TCF25: variants seen among roughly 807,000 people sequenced by gnomAD.
The protein encoded by TCF25 is ribosome quality control complex subunit TCF25.
In TCF25, 41 loss-of-function variants were observed where a neutral mutation model predicts 83.1. The ratio of observed to expected loss-of-function variants is 0.49; its 90% confidence interval spans 0.38 to 0.64. The LOEUF is 0.64. Among genes scored for constraint, TCF25 ranks in the 30% least tolerant of loss-of-function variants. The pLI is 0.00. For missense variants in TCF25, 979 were observed against 914.5 expected, an observed-to-expected ratio of 1.07 and a Z score of -0.91; for synonymous variants, 458 against 365.0, an observed-to-expected ratio of 1.25 and a Z score of -2.90.
At position 89,878,599 on chromosome 16, in the gene TCF25, C is replaced by A. The variant is rs2042368863; in HGVS notation, c.192+4740C>A. 4 of 1,148,446 alleles carry A rather than the reference C, an allele frequency of 3.5e-6. No homozygotes were observed. The South Asian group carries it at 5.2e-5, about 15-fold the overall frequency. 71.1% of individuals were successfully genotyped at this position (1,148,446 alleles called of 1,614,324 possible). A position where few individuals can be genotyped will look rare whatever the true frequency, so the allele number is the denominator to read the frequency against. On this transcript the variant is annotated intron_variant, in intron 1 of 17. Transcript: ENST00000263346. ...TGTGAAATGTTCCCCATTTGAGACCCTAAAACTAATGAAAATCACAGCTTT... is the reference window on the plus strand; with the variant it reads ...TGTGAAATGTTCCCCATTTGAGACCATAAAACTAATGAAAATCACAGCTTT...
Position 89,873,738 on chromosome 16 carries a change from T to C in TCF25, c.71T>C (p.Leu24Ser). ...CAGGAGCCCCTCGGGCCCGGCGCCT[T>C]GCATTTCGATCTCCGTGATGACGAT... ...RGQEPLGPGALHFDLRDDDDA... is the reference protein window; with the variant it reads ...RGQEPLGPGASHFDLRDDDDA... Residue 24 changes from leucine to serine, a missense_variant, in exon 1 of 18, where the codon TTG becomes TCG. By Grantham distance (145) the Leu-to-Ser change is moderately radical (BLOSUM62 -2). Transcript: ENST00000263346. The C allele has an allele frequency of 6.2e-7, 1 of 1,611,332 alleles. No individual in the cohort carries two copies. Among genetic ancestry groups the C allele is most frequent in the South Asian group, 1.1e-5 (1 of 90,894 alleles).
In TCF25 at chr16:89,899,397, G is replaced by C. The variant is rs569717801; in HGVS notation, c.1221+525G>C. On this transcript the variant is annotated intron_variant, in intron 11 of 17. Coordinates refer to ENST00000263346, the MANE Select transcript of TCF25 (RefSeq NM_014972.3). Reference sequence around the variant, plus strand: ...TTCGGTGTATTGGGTTAGATATAACGTATTAATCTCACCTGTTTTGTCTTT... The same window carrying C: ...TTCGGTGTATTGGGTTAGATATAACCTATTAATCTCACCTGTTTTGTCTTT... Among the ~76,000 whole-genome samples, 19 of 152,302 alleles carry C rather than the reference G, an allele frequency of 1.2e-4. 1 individual carries two copies. In the South Asian group the frequency reaches 3.9e-3, roughly 32 times the overall value.
chr16:89,878,878 C>T (rs2042386391), intron 1 of TCF25, among the ~76,000 whole-genome samples: 1 of 152,182 alleles, frequency 6.6e-6, no homozygotes, highest in Non-Finnish European at 1.5e-5. Context: ...CCTGACCTCG[C>T]CATCTGCCCA....
chr16:89,898,647 G>C lies in TCF25; in HGVS notation c.1113G>C (p.Leu371=), dbSNP rs11648433. Residue 371 remains leucine, a splice_region_variant and synonymous_variant, in exon 10 of 18, where the codon CTG becomes CTC. Transcript: ENST00000263346. ...RTALEYCKLI[L]SLEPDEDPLC... ...CGCTGGAGTACTGCAAGCTCATCCT[G>C]AGGTGAGTGTCTGCTCAGGGCCAAG... 1 of 1,612,516 alleles carries C rather than the reference G, an allele frequency of 6.2e-7. No homozygotes were observed. Among genetic ancestry groups the C allele is most frequent in the African/African-American group, 1.3e-5 (1 of 74,944 alleles).
At chr16:89,894,179 C>A (rs190298978) in intron 7 of TCF25, among the ~76,000 whole-genome samples, 407 of 152,312 alleles carry the variant, frequency 2.7e-3, no homozygotes, top group Non-Finnish European at 4.3e-3. Flanking sequence ...TTGCCTCCTG[C>A]GGCTCAGTGC....
chr16:89,892,260 C>A lies in TCF25; in HGVS notation c.682C>A (p.Arg228Ser). 1.2e-6 allele frequency: 2 copies of A among 1,612,362 alleles called. No homozygotes were observed. Among genetic ancestry groups the A allele is most frequent in the Non-Finnish European group, 1.7e-6 (2 of 1,179,526 alleles). Reference protein sequence around the residue: ...WLTTPKSTWPRYSKPGLSMRL... With the variant: ...WLTTPKSTWPSYSKPGLSMRL... ...GACCACCCCTAAAAGCACCTGGCCC[C>A]GCTACAGCAAACCAGGTGAGGGTCT... Residue 228 changes from arginine (R) to serine (S), a missense_variant, in exon 6 of 18, where the codon CGC becomes AGC. By Grantham distance (110) the Arg-to-Ser change is moderately radical. Transcript: ENST00000263346.
intron 15 of TCF25, among the ~76,000 whole-genome samples, chr16:89,906,977 C>G (rs919665895): frequency 6.6e-6 from 1 of 152,082 alleles, no homozygotes; most frequent in African/African-American, 2.4e-5. Flanking sequence ...GACCCCCTTC[C>G]TTCCCCACCA....
At chr16:89,880,307 G>A (rs1242148933) in intron 1 of TCF25, among the ~76,000 whole-genome samples, 1 of 152,242 alleles carries the variant, frequency 6.6e-6, no homozygotes, top group African/African-American at 2.4e-5. Flanking sequence ...GTGTTGGCCG[G>A]GCGCGGTGGC....
At chr16:89,900,219 G>A (rs916926017) in intron 11 of TCF25, among the ~76,000 whole-genome samples, 1 of 152,104 alleles carries the variant, frequency 6.6e-6, no homozygotes, top group African/African-American at 2.4e-5. Context: ...TAGACTGCTC[G>A]GAAACTCGCG....
intron 15 of TCF25, 49 bp downstream of exon 15, chr16:89,906,333 C>T (rs1161293243): frequency 1.9e-6 from 3 of 1,576,372 alleles, no homozygotes; most frequent in Non-Finnish European, 1.7e-6. Flanking sequence ...CGGTCACATG[C>T]ACGTCCCTTC....
intron 16 of TCF25, chr16:89,908,929 A>T: frequency 1.6e-6 from 2 of 1,287,838 alleles, no homozygotes; most frequent in African/African-American, 1.5e-5. Flanking sequence ...ATGCTGAGAG[A>T]TGGGGCTCAG....
rs751863265 is a variant in TCF25, at chr16:89,904,177, C to T, written c.1441C>T (p.Arg481Cys). The stretch of plus-strand genomic sequence containing the variant: ...GCCCGACGCCAGCGTTTCCAGTCAC[C>T]GCTTCTTTGGACCCAATGCTGAAAT... ...VRPDASVSSH[R>C]FFGPNAEISQ... Residue 481 changes from arginine (R) to cysteine (C), a missense_variant, in exon 13 of 18, where the codon CGC becomes TGC. By Grantham distance (180) the Arg-to-Cys change is radical. Transcript: ENST00000263346. 1.7e-4 allele frequency: 278 copies of T among 1,595,710 alleles called. No homozygotes were observed. The highest frequency in any genetic ancestry group is 1.2e-3 in the East Asian group (51 of 43,918).
intron 1 of TCF25, among the ~76,000 whole-genome samples, chr16:89,879,485 C>A (rs528844864): frequency 1.2e-5 from 1 of 82,964 alleles, no homozygotes; most frequent in East Asian, 3.9e-4. Flanking sequence ...GCCTGTCACA[C>A]GTGTTGTCCG....
At chr16:89,908,612 GC>G (rs2045234378) in intron 16 of TCF25, among the ~76,000 whole-genome samples, 2 of 7,640 alleles carry the variant, frequency 2.6e-4, no homozygotes, top group Admixed American at 1.8e-3. Context: ...CCTCCTCCCA[GC>G]TCCCACCTCC....
rs1289534465 is a variant in TCF25, at chr16:89,889,110, G to C, written c.614+1393G>C. On this transcript the variant is annotated intron_variant, in intron 5 of 17. Transcript: ENST00000263346. Reference sequence around the variant, plus strand: ...TCCTTAGAGGAGGAAGAGCAGGGGGGGTGTCTGCTTCTGGGACTTTATGTA... The same window carrying C: ...TCCTTAGAGGAGGAAGAGCAGGGGGCGTGTCTGCTTCTGGGACTTTATGTA... 1.4e-5 allele frequency: 4 copies of C among 284,426 alleles called. No homozygotes were observed. The Admixed American group carries it at 1.5e-4, about 11-fold the overall frequency. 17.6% of individuals were successfully genotyped at this position (284,426 alleles called of 1,614,324 possible).
chr16:89,875,397 G>A (rs886924414), intron 1 of TCF25, among the ~76,000 whole-genome samples: 2 of 150,910 alleles, frequency 1.3e-5, no homozygotes, highest in African/African-American at 4.9e-5. Context: ...TTCTCGGTTT[G>A]TGTTTGTTCT....
chr16:89,906,124 A>G, intron 14 of TCF25, 70 bp from the exon 15 acceptor site: 2 of 1,381,122 alleles, frequency 1.4e-6, no homozygotes, highest in Non-Finnish European at 2.0e-6. Context: ...GTGGGGGCCG[A>G]GGCTCCATGG....
chr16:89,877,627 G>T (rs1180615872), intron 1 of TCF25, among the ~76,000 whole-genome samples: 1 of 152,130 alleles, frequency 6.6e-6, no homozygotes, highest in Non-Finnish European at 1.5e-5. Context: ...TGTGTCGAAG[G>T]AAGAAACTAA....
Position 89,873,736 on chromosome 16 carries a change from C to G in TCF25, c.69C>G (p.Ala23=), listed in dbSNP as rs150672592. The G allele has an allele frequency of 7.1e-5, 114 of 1,611,464 alleles. 1 individual carries two copies. The Middle Eastern group carries it at 9.9e-4, about 14-fold the overall frequency. Residue 23 remains alanine, a synonymous_variant, in exon 1 of 18, where the codon GCC becomes GCG. Transcript: ENST00000263346. ...QRGQEPLGPG[A]LHFDLRDDDD... ...GCCAGGAGCCCCTCGGGCCCGGCGC[C>G]TTGCATTTCGATCTCCGTGATGACG...
Sources: allele counts gnomAD v4.1 joint callset (sites outside exome capture counted in the v4.1 genomes callset), GRCh38; gene constraint gnomAD v4.1.1; transcripts MANE v1.5; gene names NCBI Gene and HGNC (gene_info 2026-07-23, HGNC 2026-07-21).